Variants in MAGI2 observed in about 807,000 individuals in gnomAD.
MAGI2 encodes the protein membrane-associated guanylate kinase, WW and PDZ domain-containing protein 2.
In MAGI2, 35 loss-of-function variants were observed where a neutral mutation model predicts 133.3. The observed-to-expected ratio is 0.26, with a 90% CI of 0.20 to 0.35. The LOEUF is 0.35. MAGI2 is among the 10% of genes least tolerant of loss of function. MAGI2 has a pLI of 1.00. For missense variants in MAGI2, 1,636 were observed against 1,863.4 expected, an observed-to-expected ratio of 0.88 and a Z score of 2.25; for synonymous variants, 729 against 710.6, an observed-to-expected ratio of 1.03 and a Z score of -0.41.
intron 7 of MAGI2, among the ~76,000 whole-genome samples, chr7:78,366,885 G>T (rs1454420643): frequency 6.6e-6 from 1 of 152,096 alleles, no homozygotes; most frequent in Non-Finnish European, 1.5e-5. Context: ...ACAAATAATA[G>T]AACTGAATGT....
chr7:78,965,785 A>G (rs1390830470), intron 2 of MAGI2, among the ~76,000 whole-genome samples: 1 of 152,120 alleles, frequency 6.6e-6, no homozygotes, highest in Non-Finnish European at 1.5e-5. Context: ...CCTATAAAGC[A>G]GAACTTGAGC....
At chr7:79,228,784 G>T (rs1831100031) in intron 1 of MAGI2, among the ~76,000 whole-genome samples, 1 of 152,128 alleles carries the variant, frequency 6.6e-6, no homozygotes, top group African/African-American at 2.4e-5. Flanking sequence ...AAGCCTGAGA[G>T]GAGTCTTTCC....
At chr7:79,359,706 A>T (rs1842260482) in intron 1 of MAGI2, among the ~76,000 whole-genome samples, 1 of 150,902 alleles carries the variant, frequency 6.6e-6, no homozygotes, top group Admixed American at 6.6e-5. Context: ...ACACACACAC[A>T]CACACACAGA....
intron 1 of MAGI2, among the ~76,000 whole-genome samples, chr7:79,241,425 T>C (rs2129555011): frequency 6.6e-6 from 1 of 152,322 alleles, no homozygotes; most frequent in South Asian, 2.1e-4. Context: ...TCCTCCCTTA[T>C]TCTGGGGAAG....
At position 78,165,993 on chromosome 7, in the gene MAGI2, A is replaced by G. The variant is rs888926540; in HGVS notation, c.2596+1923T>C. Among the ~76,000 whole-genome samples the G allele has an allele frequency of 3.9e-5, 6 of 152,320 alleles. No individual in the cohort carries two copies. In the South Asian group the frequency reaches 1.2e-3, roughly 32 times the overall value. On this transcript the variant is annotated intron_variant, in intron 15 of 21. Transcript: ENST00000354212. ...CTTTCAAGGAAGAGTGGGCTGAATA[A>G]ACTTGGAAACTCTCCTGGTGTGAAC...
rs116392223 is a variant in MAGI2, at chr7:79,204,081, A to G, written c.302-196875T>C. On this transcript the variant is annotated intron_variant, in intron 1 of 21. Coordinates refer to ENST00000354212, the MANE Select transcript of MAGI2 (RefSeq NM_012301.4). ...GGTGCCACAGCACAGAGAGAGATAC[A>G]GTTCACATGGTGGGAAAAGAGATGT... Among the ~76,000 whole-genome samples, 50 of 152,220 alleles carry G rather than the reference A, an allele frequency of 3.3e-4. 1 individual carries two copies. Among genetic ancestry groups the G allele is most frequent in the African/African-American group, 1.1e-3 (47 of 41,474 alleles).
intron 3 of MAGI2, among the ~76,000 whole-genome samples, chr7:78,572,000 A>G (rs1324323210): frequency 1.3e-5 from 2 of 152,200 alleles, no homozygotes; most frequent in East Asian, 3.8e-4. Context: ...ACTTGTTTTC[A>G]AAACATTTGG....
Position 78,985,056 on chromosome 7 carries a change from C to T in MAGI2, c.418+22034G>A, listed in dbSNP as rs1805129132. Among the ~76,000 whole-genome samples, 4 of 150,196 alleles carry T rather than the reference C, an allele frequency of 2.7e-5. No individual in the cohort carries two copies. In the South Asian group the frequency reaches 8.4e-4, roughly 31 times the overall value. On this transcript the variant is annotated intron_variant, in intron 2 of 21. Coordinates refer to ENST00000354212, the MANE Select transcript of MAGI2 (RefSeq NM_012301.4). ...TTGTTCTGTTGTCCAGACAGGAATG[C>T]AGTGGTGTGATCATAGCTAACTGTA...
intron 1 of MAGI2, among the ~76,000 whole-genome samples, chr7:79,147,487 T>C (rs948958230): frequency 1.3e-5 from 2 of 152,140 alleles, no homozygotes; most frequent in Non-Finnish European, 2.9e-5. Context: ...TGGGAACCAA[T>C]GCTGCCTCTC....
At chr7:78,117,345 T>C (rs1819970199) in intron 20 of MAGI2, among the ~76,000 whole-genome samples, 1 of 151,990 alleles carries the variant, frequency 6.6e-6, no homozygotes, top group African/African-American at 2.4e-5. Flanking sequence ...TAAATAGGGC[T>C]CATCCCAGGA....
chr7:78,148,022 A>G (rs1823490740), intron 16 of MAGI2, among the ~76,000 whole-genome samples: 1 of 152,154 alleles, frequency 6.6e-6, no homozygotes, highest in African/African-American at 2.4e-5. Flanking sequence ...TGAATCAGCA[A>G]TCCTACACCT....
rs377043026 is a variant in MAGI2 at position 79,258,793 on chromosome 7, C to CA, written c.301+194226dup. ...TATAGGCACATGCCTGCATGCTAGG[C>CA]AAAAAAAAGGAATTACTCTTTAACC... is the stretch of plus-strand genomic sequence containing the variant. On this transcript the variant is annotated intron_variant, in intron 1 of 21. Transcript: ENST00000354212. Among the ~76,000 whole-genome samples, 786 of 150,798 alleles carry CA rather than the reference C, an allele frequency of 5.2e-3. 8 individuals carry two copies. The highest frequency in any genetic ancestry group is 0.018 in the African/African-American group (756 of 41,094).
intron 3 of MAGI2, among the ~76,000 whole-genome samples, chr7:78,623,908 T>A (rs1396419290): frequency 6.6e-6 from 1 of 152,132 alleles, no homozygotes; most frequent in East Asian, 1.9e-4. Context: ...GTGCAATGCA[T>A]CACTCATTTG....
intron 1 of MAGI2, among the ~76,000 whole-genome samples, chr7:79,031,933 T>C (rs1040597857): frequency 6.6e-6 from 1 of 152,148 alleles, no homozygotes; most frequent in Non-Finnish European, 1.5e-5. Flanking sequence ...CTTACTATTT[T>C]CAGTATATTC....
At chr7:78,823,193 C>T (rs1452854477) in intron 2 of MAGI2, among the ~76,000 whole-genome samples, 2 of 152,118 alleles carry the variant, frequency 1.3e-5, no homozygotes, top group Admixed American at 1.3e-4. Context: ...TAGATCCCTA[C>T]CTTGTCATTG....
chr7:79,228,312 C>T (rs753036470), intron 1 of MAGI2, among the ~76,000 whole-genome samples: 2 of 113,366 alleles, frequency 1.8e-5, no homozygotes, highest in Non-Finnish European at 3.5e-5. Context: ...CACTGCACCC[C>T]AGGCTGGGTG....
chr7:78,224,099 T>C (rs1340159824), intron 10 of MAGI2, among the ~76,000 whole-genome samples: 1 of 152,162 alleles, frequency 6.6e-6, no homozygotes. Flanking sequence ...ACAGAGTACG[T>C]AGATTTCATT....
chr7:79,020,044 T>C (rs1584699841), intron 1 of MAGI2, among the ~76,000 whole-genome samples: 1 of 152,316 alleles, frequency 6.6e-6, no homozygotes, highest in East Asian at 1.9e-4. Flanking sequence ...CCTAAAGACT[T>C]GTTGAATGGC....
At chr7:78,051,771 G>T (rs1812028617) in intron 21 of MAGI2, among the ~76,000 whole-genome samples, 1 of 151,390 alleles carries the variant, frequency 6.6e-6, no homozygotes, top group African/African-American at 2.4e-5. Context: ...TTTTAGTAAA[G>T]ATAGGATTTC....
Sources: gnomAD v4.1 joint callset for allele counts (sites outside exome capture counted in the v4.1 genomes callset) on GRCh38, gnomAD v4.1.1 for gene constraint, MANE v1.5 for transcripts, NCBI Gene and HGNC (gene_info 2026-07-23, HGNC 2026-07-21) for gene names.